Variants in NEK10 observed in about 807,000 individuals in gnomAD.
NEK10 encodes NIMA related kinase 10.
Under a neutral mutation model 159.8 loss-of-function variants are expected in NEK10, and 122 were observed. The observed-to-expected ratio is 0.76, with a 90% confidence interval of 0.66 to 0.89. The LOEUF is 0.89. Among genes scored for constraint, NEK10 ranks in the 40% least tolerant of loss-of-function variants. The pLI is 0.00. For synonymous variants in NEK10, 466 were observed against 457.1 expected (o/e 1.02, Z -0.25); for missense variants, 1,342 against 1,323.1 (o/e 1.01, Z -0.22).
intron 31 of NEK10, among the ~76,000 whole-genome samples, chr3:27,135,166 G>T (rs940840521): frequency 6.6e-6 from 1 of 152,026 alleles, no homozygotes; most frequent in Non-Finnish European, 1.5e-5. Flanking sequence ...TGCCTGTATT[G>T]CCAGCACTTT....
chr3:27,286,118 C>T (rs2042582116), intron 20 of NEK10, among the ~76,000 whole-genome samples: 1 of 111,452 alleles, frequency 9.0e-6, no homozygotes, highest in Non-Finnish European at 1.7e-5. Context: ...TGGAGTCTCA[C>T]TCTGTTGCCC....
At chr3:27,140,844 A>G (rs1943721745) in intron 31 of NEK10, among the ~76,000 whole-genome samples, 1 of 152,184 alleles carries the variant, frequency 6.6e-6, no homozygotes, top group African/African-American at 2.4e-5. Context: ...AAGATACACA[A>G]TTTTAGACTT....
intron 23 of NEK10, among the ~76,000 whole-genome samples, chr3:27,204,725 T>G: frequency 7.2e-6 from 1 of 138,824 alleles, no homozygotes; most frequent in South Asian, 2.5e-4. Context: ...GACATTTGGG[T>G]TGGTTCCAAG....
chr3:27,293,602 T>A lies in NEK10; in HGVS notation c.1359A>T (p.Arg453Ser). 2 of 1,557,642 alleles carry A rather than the reference T, an allele frequency of 1.3e-6. No homozygotes were observed. The highest frequency in any genetic ancestry group is 1.8e-6 in the Non-Finnish European group (2 of 1,131,816). ...TAACCTCATACCTTTTAAAGAGTGG[T>A]CTGTTTCTTTCCATACTGAAGAGAA... ...LRFLFSMERNRPLFKRLFPTD... is the reference protein window; with the variant it reads ...LRFLFSMERNSPLFKRLFPTD... The change falls in exon 16 of 36, where the codon AGA (arginine) becomes AGT (serine). Residue 453 changes from arginine (R) to serine (S), a missense_variant. Transcript: ENST00000691995.
At position 27,111,290 on chromosome 3, in the gene NEK10, A is replaced by G. The variant is rs771942204; in HGVS notation, c.3330T>C (p.Asn1110=). The G allele has an allele frequency of 6.2e-7, 1 of 1,609,560 alleles. No homozygotes were observed. Among genetic ancestry groups the G allele is most frequent in the Admixed American group, 1.7e-5 (1 of 59,476 alleles). ...RYHSYPWGTK[N]HPTKR ...AGCATTTTCATCTTTTGGTTGGGTG[A>G]TTCTTGGTCCCCCATGGATAGGAAT... Residue 1110 remains asparagine (N), a synonymous_variant, in exon 36 of 36, where the codon AAT becomes AAC. Coordinates refer to ENST00000691995, the MANE Select transcript of NEK10 (RefSeq NM_001394966.1).
At chr3:27,144,524 G>A (rs922849029) in intron 30 of NEK10, among the ~76,000 whole-genome samples, 3 of 152,254 alleles carry the variant, frequency 2.0e-5, no homozygotes, top group Middle Eastern at 3.4e-3. Context: ...GACCAGAAAA[G>A]AATCCATTTT....
At chr3:27,121,940 T>C (rs1941374746) in intron 32 of NEK10, among the ~76,000 whole-genome samples, 1 of 152,138 alleles carries the variant, frequency 6.6e-6, no homozygotes, top group Non-Finnish European at 1.5e-5. Flanking sequence ...CACTATGAAT[T>C]TATACCTTAA....
chr3:27,223,524 T>C lies in NEK10; in HGVS notation c.2091-20967A>G, dbSNP rs558262558. On this transcript the variant is annotated intron_variant, in intron 23 of 35. Coordinates refer to ENST00000691995, the MANE Select transcript of NEK10 (RefSeq NM_001394966.1). Reference sequence around the variant, plus strand: ...TTCTCAATACCTGGCTGCTCTGTAATACTACTGAGCTTAGAAAAGCATTGC... The same window carrying C: ...TTCTCAATACCTGGCTGCTCTGTAACACTACTGAGCTTAGAAAAGCATTGC... Among the ~76,000 whole-genome samples, 3 of 152,218 alleles carry C rather than the reference T, an allele frequency of 2.0e-5. No homozygotes were observed. In the South Asian group the frequency reaches 6.2e-4, roughly 31 times the overall value.
At chr3:27,208,985 G>A (rs1237000688) in intron 23 of NEK10, among the ~76,000 whole-genome samples, 1 of 152,174 alleles carries the variant, frequency 6.6e-6, no homozygotes, top group African/African-American at 2.4e-5. Context: ...AGAATTAGAT[G>A]ACACATTCAA....
intron 25 of NEK10, among the ~76,000 whole-genome samples, chr3:27,193,680 A>G (rs1949320770): frequency 1.5e-5 from 2 of 131,664 alleles, no homozygotes; most frequent in African/African-American, 5.9e-5. Context: ...TCTCTTATAT[A>G]CTTGCCAAAA....
intron 25 of NEK10, among the ~76,000 whole-genome samples, chr3:27,197,321 G>A (rs756531339): frequency 2.0e-5 from 3 of 151,884 alleles, no homozygotes; most frequent in African/African-American, 7.2e-5. Context: ...AATTACAGGC[G>A]CACACCACCA....
intron 29 of NEK10, among the ~76,000 whole-genome samples, chr3:27,163,403 G>C (rs1293343155): frequency 2.0e-5 from 3 of 151,806 alleles, no homozygotes; most frequent in Admixed American, 1.3e-4. Context: ...CCAGGCTGGA[G>C]TGCAGTGACG....
intron 23 of NEK10, among the ~76,000 whole-genome samples, chr3:27,251,599 G>A (rs1236603947): frequency 3.9e-5 from 6 of 152,252 alleles, no homozygotes; most frequent in African/African-American, 9.6e-5. Context: ...AGATACCAGC[G>A]TCATGCTTCC....
chr3:27,345,289 C>A (rs998920543), intron 4 of NEK10, among the ~76,000 whole-genome samples: 1 of 152,064 alleles, frequency 6.6e-6, no homozygotes, highest in Non-Finnish European at 1.5e-5. Flanking sequence ...TCTTAGTACA[C>A]GGGCACTGGT....
rs543357185 is a variant in NEK10 at position 27,206,883 on chromosome 3, C to T, written c.2091-4326G>A. On this transcript the variant is annotated intron_variant, in intron 23 of 35. Transcript: ENST00000691995. ...GCATCTGCAACAGGAAGATAGCTCC[C>T]TGGGAGATATCTTAAAGCCCTGGGC... Among the ~76,000 whole-genome samples, 23 of 152,284 alleles carry T rather than the reference C, an allele frequency of 1.5e-4. No individual in the cohort carries two copies. In the South Asian group the frequency reaches 4.6e-3, roughly 30 times the overall value.
chr3:27,181,284 GTAAA>G (rs1317328060), intron 26 of NEK10, among the ~76,000 whole-genome samples: 4 of 151,936 alleles, frequency 2.6e-5, no homozygotes, highest in Non-Finnish European at 5.9e-5. Context: ...ATGTCATATG[GTAAA>G]TATAGTTTAT....
intron 30 of NEK10, among the ~76,000 whole-genome samples, chr3:27,157,438 C>T (rs1945592216): frequency 6.6e-6 from 1 of 152,092 alleles, no homozygotes; most frequent in African/African-American, 2.4e-5. Context: ...GAAGTAATTG[C>T]AAATGTAGTA....
intron 33 of NEK10, 95 bp from the exon 34 acceptor site, chr3:27,116,222 A>G: frequency 9.3e-7 from 1 of 1,070,826 alleles, no homozygotes; most frequent in Non-Finnish European, 1.4e-6. Context: ...CAGGGCAAAC[A>G]GGTCAATTTC....
intron 22 of NEK10, among the ~76,000 whole-genome samples, chr3:27,277,873 A>G (rs1559413261): frequency 6.6e-6 from 1 of 152,214 alleles, no homozygotes. Context: ...ATGGTTTCCC[A>G]TGTTCTGTCT....
Sources: gnomAD v4.1 joint callset for allele counts (sites outside exome capture counted in the v4.1 genomes callset) on GRCh38, gnomAD v4.1.1 for gene constraint, MANE v1.5 for transcripts, NCBI Gene and HGNC (gene_info 2026-07-23, HGNC 2026-07-21) for gene names.